Variants in GPD1L observed in about 807,000 individuals in gnomAD.
GPD1L encodes the protein glycerol-3-phosphate dehydrogenase 1-like protein.
Under a neutral mutation model 32.9 loss-of-function variants are expected in GPD1L, and 17 were observed. That is an observed-to-expected ratio of 0.52 (90% confidence interval 0.35 to 0.78). The LOEUF is 0.78. Ranked by LOEUF, GPD1L falls within the 30% of genes least tolerant of loss-of-function variation. GPD1L has a pLI of 0.01. For missense variants in GPD1L, 361 were observed against 447.8 expected (o/e 0.81, Z 1.75); for synonymous variants, 187 against 165.9 (o/e 1.13, Z -0.98).
chr3:32,123,268 A>C (rs1700451819), intron 1 of GPD1L, among the ~76,000 whole-genome samples: 1 of 152,194 alleles, frequency 6.6e-6, no homozygotes, highest in Non-Finnish European at 1.5e-5. Flanking sequence ...AGGTAACAAC[A>C]ACAAAACCCA....
At chr3:32,139,871 A>G (rs534548862) in intron 3 of GPD1L, among the ~76,000 whole-genome samples, 4 of 152,170 alleles carry the variant, frequency 2.6e-5, no homozygotes, top group Admixed American at 6.5e-5. Flanking sequence ...GACGTATAAC[A>G]TTGTCTAGGG....
At chr3:32,117,541 A>T (rs78169017) in intron 1 of GPD1L, among the ~76,000 whole-genome samples, 2,367 of 152,326 alleles carry the variant, frequency 0.016, 64 homozygotes, top group African/African-American at 0.054. Flanking sequence ...AATTCTCATT[A>T]TCCAGGAATG....
intron 7 of GPD1L, among the ~76,000 whole-genome samples, chr3:32,165,608 A>G (rs1307923036): frequency 6.6e-6 from 1 of 152,208 alleles, no homozygotes; most frequent in African/African-American, 2.4e-5. Context: ...TTAATTAGGC[A>G]GAGGATGGTC....
At chr3:32,159,440 G>C in intron 6 of GPD1L, 128 bp from the exon 7 acceptor site, 4 of 695,616 alleles carry the variant, frequency 5.8e-6, no homozygotes, top group Non-Finnish European at 9.6e-6. Context: ...AGGCCAGCCT[G>C]CACAGCATAG....
chr3:32,114,019 A>G (rs1700291439), intron 1 of GPD1L, among the ~76,000 whole-genome samples: 1 of 152,146 alleles, frequency 6.6e-6, no homozygotes, highest in South Asian at 2.1e-4. Context: ...ATGCCTGGCT[A>G]ATCTTCAGAT....
chr3:32,158,806 C>T, intron 5 of GPD1L, 70 bp from the exon 6 acceptor site: 1 of 1,573,462 alleles, frequency 6.4e-7, no homozygotes, highest in Non-Finnish European at 8.6e-7. Context: ...CGGCATCCCC[C>T]ACCACCTCTG....
At chr3:32,147,696 A>G (rs1700851940) in intron 5 of GPD1L, among the ~76,000 whole-genome samples, 1 of 152,226 alleles carries the variant, frequency 6.6e-6, no homozygotes, top group African/African-American at 2.4e-5. Flanking sequence ...CTTTTGCAGC[A>G]AAAAGCCACC....
chr3:32,108,661 C>G (rs1288686311), intron 1 of GPD1L, among the ~76,000 whole-genome samples: 3 of 152,238 alleles, frequency 2.0e-5, no homozygotes, highest in Non-Finnish European at 4.4e-5. Context: ...TGGAGGAATT[C>G]CATGCAAGTG....
rs989262156 is a variant in GPD1L at position 32,140,289 on chromosome 3, G to T, written c.428G>T (p.Gly143Val). 1 of 1,614,116 alleles carries T rather than the reference G, an allele frequency of 6.2e-7. No homozygotes were observed. The highest frequency in any genetic ancestry group is 8.5e-7 in the Non-Finnish European group (1 of 1,179,974). ...LISDIIREKM[G>V]IDISVLMGAN... ...TCTGACATCATCCGTGAGAAGATGG[G>T]TATTGACATCAGTGTGCTGATGGGA... Residue 143 changes from glycine (G) to valine (V), a missense_variant, in exon 4 of 8, where the codon GGT becomes GTT. Physicochemically the swap from Gly to Val is moderately radical, Grantham distance 109 (BLOSUM62 -3). Transcript: ENST00000282541.
At chr3:32,154,921 G>A (rs925002659) in intron 5 of GPD1L, among the ~76,000 whole-genome samples, 6 of 151,950 alleles carry the variant, frequency 3.9e-5, no homozygotes, top group African/African-American at 1.5e-4. Flanking sequence ...CTAATTTTTT[G>A]TATTTTTGGT....
intron 1 of GPD1L, among the ~76,000 whole-genome samples, chr3:32,124,297 C>T (rs551389124): frequency 2.6e-5 from 4 of 152,186 alleles, no homozygotes; most frequent in Non-Finnish European, 5.9e-5. Context: ...AATCTCCTGA[C>T]CTTGTGATCC....
rs368838349 is a variant in GPD1L at position 32,138,622 on chromosome 3, T to A, written c.261T>A (p.Asp87Glu). The A allele has an allele frequency of 2.4e-5, 38 of 1,613,866 alleles. No homozygotes were observed. The highest frequency in any genetic ancestry group is 3.1e-5 in the Non-Finnish European group (36 of 1,179,848). The change falls in exon 3 of 8, where the codon GAT (aspartate) becomes GAA (glutamate). Residue 87 changes from aspartate to glutamate, a missense_variant. Physicochemically the swap from Asp to Glu is conservative, Grantham distance 45 (BLOSUM62 2). Transcript: ENST00000282541. ...AMSNLSEAVQ[D>E]ADLLVFVIPH... The stretch of plus-strand genomic sequence containing the variant: ...CAAATCTTAGCGAGGCTGTGCAGGA[T>A]GCAGACCTGCTGGTGTTTGTCATTC...
chr3:32,146,543 C>T lies in GPD1L; in HGVS notation c.506-79C>T, dbSNP rs9839561. 3.7e-3 allele frequency: 3,053 copies of T among 827,532 alleles called. 78 individuals are homozygous for T. The African/African-American group carries it at 0.045, about 12-fold the overall frequency. The allele number at this position is 827,532 out of a possible 1,614,324, so 51.3% of individuals were successfully genotyped here. ...ATGTTACTTTTATAGTAAGTAGAAA[C>T]TTATTTTAAAGTGTATTAGGTGTGA... On this transcript the variant is annotated intron_variant, in intron 4 of 7. Transcript: ENST00000282541.
intron 7 of GPD1L, among the ~76,000 whole-genome samples, chr3:32,165,488 ACTC>A (rs1701133626): frequency 6.6e-6 from 1 of 151,028 alleles, no homozygotes; most frequent in African/African-American, 2.4e-5. Context: ...CAGAATATAG[ACTC>A]CTCCAAGATT....
intron 5 of GPD1L, among the ~76,000 whole-genome samples, chr3:32,153,635 A>G (rs7622177): frequency 0.13 from 19,356 of 152,126 alleles, 2,789 homozygotes; most frequent in African/African-American, 0.35. Context: ...CCCTGCAGAC[A>G]GTCTCCTCTT....
At chr3:32,138,781 T>G in intron 3 of GPD1L, 54 bp downstream of exon 3, 1 of 1,561,776 alleles carries the variant, frequency 6.4e-7, no homozygotes, top group Non-Finnish European at 8.8e-7. Flanking sequence ...GGAAATTTCA[T>G]TTCCTCACAC....
intron 1 of GPD1L, among the ~76,000 whole-genome samples, chr3:32,121,551 A>G (rs111318225): frequency 0.028 from 3,107 of 110,378 alleles, 218 homozygotes; most frequent in South Asian, 0.036. Flanking sequence ...ATATTTCTAT[A>G]TATATATTTC....
At chr3:32,165,131 A>C (rs1016668930) in intron 7 of GPD1L, among the ~76,000 whole-genome samples, 4 of 152,316 alleles carry the variant, frequency 2.6e-5, no homozygotes, top group Non-Finnish European at 5.9e-5. Flanking sequence ...GCTTGAATCC[A>C]GGAGGCAGAG....
chr3:32,141,162 A>G (rs1044803861), intron 4 of GPD1L, among the ~76,000 whole-genome samples: 6 of 152,222 alleles, frequency 3.9e-5, no homozygotes, highest in Non-Finnish European at 8.8e-5. Context: ...TGTAAAAGGA[A>G]GCTCTGAGAG....
Sources: gnomAD v4.1 joint callset for allele counts (sites outside exome capture counted in the v4.1 genomes callset) on GRCh38, gnomAD v4.1.1 for gene constraint, MANE v1.5 for transcripts, NCBI Gene and HGNC (gene_info 2026-07-23, HGNC 2026-07-21) for gene names.